The following EPHA4 variants were observed in gnomAD, a reference collection of about 807,000 sequenced individuals.
EPHA4 encodes the protein EPH receptor A4.
In EPHA4, 19 loss-of-function variants were observed where a neutral mutation model predicts 108.3. That is an observed-to-expected ratio of 0.18 (90% CI 0.12 to 0.26). EPHA4 has a LOEUF of 0.26. Ranked by LOEUF, EPHA4 falls within the 10% of genes least tolerant of loss-of-function variation. EPHA4 has a pLI of 1.00. For missense variants in EPHA4, 917 were observed against 1,254.0 expected (o/e 0.73, Z 4.06); for synonymous variants, 449 against 455.5 (o/e 0.99, Z 0.18).
chr2:221,477,797 G>T (rs1176399511), intron 5 of EPHA4, among the ~76,000 whole-genome samples: 1 of 152,126 alleles, frequency 6.6e-6, no homozygotes, highest in East Asian at 1.9e-4. Context: ...CCACAGCTCA[G>T]GGTTACATAC....
intron 11 of EPHA4, among the ~76,000 whole-genome samples, chr2:221,439,589 G>A (rs1394194890): frequency 6.6e-6 from 1 of 151,944 alleles, no homozygotes; most frequent in African/African-American, 2.4e-5. Flanking sequence ...CTGGGCTCAA[G>A]GGATCCTCCT....
At chr2:221,426,423 A>G in intron 16 of EPHA4, 41 bp downstream of exon 16, 2 of 1,560,296 alleles carry the variant, frequency 1.3e-6, no homozygotes, top group Non-Finnish European at 1.7e-6. Flanking sequence ...ATACTATTAA[A>G]TCTAGATTTA....
chr2:221,478,339 G>C (rs1304815256), intron 5 of EPHA4, among the ~76,000 whole-genome samples: 1 of 152,160 alleles, frequency 6.6e-6, no homozygotes, highest in Non-Finnish European at 1.5e-5. Context: ...CCACTTAAGT[G>C]AAAGTAAACC....
Position 221,486,106 on chromosome 2 carries a change from T to G in EPHA4, c.980-3416A>C, listed in dbSNP as rs541819449. ...AAATATGTCCACCTGCGAGTAAGTC[T>G]CCAATTACAAATATGAGGTTTATAA... is the stretch of plus-strand genomic sequence containing the variant. On this transcript the variant is annotated intron_variant, in intron 4 of 17. Transcript: ENST00000281821. Among the ~76,000 whole-genome samples, 44 of 152,324 alleles carry G rather than the reference T, an allele frequency of 2.9e-4. No individual in the cohort carries two copies. The South Asian group carries it at 8.9e-3, about 31-fold the overall frequency.
chr2:221,532,864 C>T (rs1430700840), intron 3 of EPHA4: 3 of 152,514 alleles, frequency 2.0e-5, no homozygotes, highest in Non-Finnish European at 2.9e-5. Context: ...CAGAAGCCCT[C>T]TGGGCCAGGT....
intron 3 of EPHA4, among the ~76,000 whole-genome samples, chr2:221,533,238 A>G (rs1693571809): frequency 6.6e-6 from 1 of 152,220 alleles, no homozygotes. Context: ...GCAGCCCCAT[A>G]GCTCCAAAAA....
chr2:221,453,236 G>A (rs112887498), intron 8 of EPHA4, among the ~76,000 whole-genome samples: 11 of 152,238 alleles, frequency 7.2e-5, no homozygotes, highest in East Asian at 1.9e-4. Context: ...TTTTAGAGGT[G>A]GAGGTATTTC....
rs148975840 is a variant in EPHA4 at position 221,429,283 on chromosome 2, A to G, written c.2690+675T>C. On this transcript the variant is annotated intron_variant, in intron 15 of 17. Transcript: ENST00000281821. Reference sequence around the variant, plus strand: ...TTCTCACTGAACTTGTAGGACTTATAGTATCTTTATGTTCTCTACAGACTG... The same window carrying G: ...TTCTCACTGAACTTGTAGGACTTATGGTATCTTTATGTTCTCTACAGACTG... Among the ~76,000 whole-genome samples the G allele has an allele frequency of 5.7e-3, 870 of 152,334 alleles. 8 individuals carry two copies. Among genetic ancestry groups the G allele is most frequent in the African/African-American group, 0.02 (822 of 41,568 alleles).
At chr2:221,469,057 G>C (rs1333339095) in intron 5 of EPHA4, among the ~76,000 whole-genome samples, 3 of 152,182 alleles carry the variant, frequency 2.0e-5, no homozygotes, top group Non-Finnish European at 4.4e-5. Context: ...CTTCCAACAG[G>C]GGCCAAATCA....
At chr2:221,482,210 C>T in intron 5 of EPHA4, 142 bp downstream of exon 5, 1 of 886,214 alleles carries the variant, frequency 1.1e-6, no homozygotes, top group Non-Finnish European at 1.6e-6. Context: ...CGTGCCCAGC[C>T]CCTAAGTATC....
intron 3 of EPHA4, among the ~76,000 whole-genome samples, chr2:221,563,398 G>A (rs948611226): frequency 1.3e-5 from 2 of 152,162 alleles, no homozygotes; most frequent in African/African-American, 4.8e-5. Flanking sequence ...GCTCAAAAAT[G>A]TGTCCGCCCT....
intron 5 of EPHA4, among the ~76,000 whole-genome samples, chr2:221,470,132 T>A (rs1691435480): frequency 6.6e-6 from 1 of 152,172 alleles, no homozygotes; most frequent in African/African-American, 2.4e-5. Context: ...CTACCAATGA[T>A]TCCTGACAAG....
At chr2:221,468,472 T>C (rs897860258) in intron 5 of EPHA4, among the ~76,000 whole-genome samples, 5 of 152,200 alleles carry the variant, frequency 3.3e-5, no homozygotes, top group African/African-American at 1.2e-4. Context: ...AAAGCTAAGC[T>C]TGTAGGCTTC....
At chr2:221,570,575 A>C (rs1324679625) in intron 1 of EPHA4, among the ~76,000 whole-genome samples, 1 of 152,154 alleles carries the variant, frequency 6.6e-6, no homozygotes, top group African/African-American at 2.4e-5. Context: ...CTTTCCTCCC[A>C]AGCGATGTCT....
intron 3 of EPHA4, among the ~76,000 whole-genome samples, chr2:221,532,201 C>T (rs1344662798): frequency 1.3e-5 from 2 of 151,956 alleles, no homozygotes; most frequent in African/African-American, 4.8e-5. Flanking sequence ...TGGCTCACTG[C>T]AAGCTCTGCC....
At chr2:221,493,742 T>C (rs1692223694) in intron 4 of EPHA4, among the ~76,000 whole-genome samples, 1 of 152,208 alleles carries the variant, frequency 6.6e-6, no homozygotes. Context: ...CTAAATTCAA[T>C]TAGAAAAGGC....
intron 3 of EPHA4, among the ~76,000 whole-genome samples, chr2:221,552,845 C>A (rs1361696905): frequency 6.6e-6 from 1 of 152,092 alleles, no homozygotes. Flanking sequence ...TGCATCATAA[C>A]CAATTAAGAT....
chr2:221,558,192 A>G (rs1694357248), intron 3 of EPHA4, among the ~76,000 whole-genome samples: 1 of 152,192 alleles, frequency 6.6e-6, no homozygotes, highest in Non-Finnish European at 1.5e-5. Flanking sequence ...ATTATTTTAA[A>G]AATACATGTA....
At chr2:221,573,990 C>T (rs1694928100), upstream of EPHA4, 1 of 152,140 alleles carries the variant, frequency 6.6e-6, no homozygotes, top group African/African-American at 2.4e-5. This position sits in a 1 kb window ranked among gnomAD's most constrained non-coding sequence, Gnocchi z 4.5. Flanking sequence ...TGGCTGCTCT[C>T]GGAAAAGCGG....
Sources: gnomAD v4.1 joint callset for allele counts (sites outside exome capture counted in the v4.1 genomes callset) on GRCh38, gnomAD v4.1.1 for gene constraint, Gnocchi (gnomAD v3.1) non-coding constraint, MANE v1.5 for transcripts, NCBI Gene and HGNC (gene_info 2026-07-23, HGNC 2026-07-21) for gene names.